Variants in WDFY2 observed in about 807,000 individuals in gnomAD.
WDFY2 encodes WD repeat and FYVE domain-containing protein 2.
A neutral mutation model predicts 56.4 loss-of-function variants in WDFY2; 36 were observed. The ratio of observed to expected loss-of-function variants is 0.64; its 90% CI spans 0.49 to 0.84. The LOEUF is 0.84. Ranked by LOEUF, WDFY2 falls within the 40% of genes least tolerant of loss-of-function variation. The pLI is 0.00. For synonymous variants in WDFY2, 176 were observed against 183.7 expected (o/e 0.96, Z 0.34); for missense variants, 444 against 512.2 (o/e 0.87, Z 1.29).
At chr13:51,676,136 G>T (rs561503765) in intron 3 of WDFY2, among the ~76,000 whole-genome samples, 1 of 152,236 alleles carries the variant, frequency 6.6e-6, no homozygotes, top group Admixed American at 6.5e-5. Flanking sequence ...CAAGACCCTG[G>T]AATTTCCTGC....
chr13:51,630,386 C>T (rs1372489038), intron 1 of WDFY2, among the ~76,000 whole-genome samples: 1 of 151,516 alleles, frequency 6.6e-6, no homozygotes, highest in East Asian at 1.9e-4. Context: ...ATTTTCCTGT[C>T]AGCTCATCAT....
intron 2 of WDFY2, among the ~76,000 whole-genome samples, chr13:51,666,041 G>C (rs1192751736): frequency 6.6e-6 from 1 of 152,130 alleles, no homozygotes; most frequent in Non-Finnish European, 1.5e-5. Context: ...CACAAGTATG[G>C]ATACCTACCA....
At chr13:51,644,614 T>C (rs1955232391) in intron 1 of WDFY2, among the ~76,000 whole-genome samples, 1 of 152,112 alleles carries the variant, frequency 6.6e-6, no homozygotes, top group Non-Finnish European at 1.5e-5. Flanking sequence ...GCGGTGAGTG[T>C]TTTGAAAGCA....
chr13:51,664,994 G>A (rs1593957836), intron 2 of WDFY2, among the ~76,000 whole-genome samples: 1 of 152,190 alleles, frequency 6.6e-6, no homozygotes, highest in Admixed American at 6.5e-5. Context: ...TCCTGTCTTT[G>A]CAGTGTTTAC....
chr13:51,697,419 G>A (rs773178425), intron 3 of WDFY2, among the ~76,000 whole-genome samples: 3 of 152,118 alleles, frequency 2.0e-5, no homozygotes, highest in Non-Finnish European at 4.4e-5. Context: ...GATTGCTGGA[G>A]CTCAGGAGTT....
At chr13:51,730,395 A>T (rs1223290451) in intron 6 of WDFY2, among the ~76,000 whole-genome samples, 1 of 152,208 alleles carries the variant, frequency 6.6e-6, no homozygotes, top group Admixed American at 6.5e-5. Flanking sequence ...TTCTTCTATG[A>T]CGCTGCTGGC....
At chr13:51,631,285 A>C (rs1044912950) in intron 1 of WDFY2, among the ~76,000 whole-genome samples, 2 of 151,290 alleles carry the variant, frequency 1.3e-5, no homozygotes, top group African/African-American at 4.8e-5. Flanking sequence ...CAGCTACTTG[A>C]GAGACTGAGG....
chr13:51,766,472 G>C lies in WDFY2; in HGVS notation c.*6703G>C, dbSNP rs1156344420. 3 of 152,208 alleles carry C rather than the reference G, an allele frequency of 2.0e-5. No homozygotes were observed. Among genetic ancestry groups the C allele is most frequent in the South Asian group, 4.1e-4 (2 of 4,834 alleles). 9.4% of individuals were successfully genotyped at this position (152,208 alleles called of 1,614,324 possible). ...GAGATTCTTCAGGGGGTCAGGCTGA[G>C]AATGTAATAAGCCTGACATTGGAAC... On this transcript the variant is annotated 3_prime_UTR_variant, in exon 12 of 12. Transcript: ENST00000298125.
At chr13:51,690,635 G>T (rs1478400359) in intron 3 of WDFY2, among the ~76,000 whole-genome samples, 1 of 152,004 alleles carries the variant, frequency 6.6e-6, no homozygotes, top group East Asian at 1.9e-4. Context: ...TTGCTGTCGT[G>T]AATAATGCCG....
intron 3 of WDFY2, among the ~76,000 whole-genome samples, chr13:51,697,836 T>C (rs987683692): frequency 6.6e-6 from 1 of 152,188 alleles, no homozygotes; most frequent in Non-Finnish European, 1.5e-5. Flanking sequence ...CAATTGTATG[T>C]GTTTCTGTGT....
At position 51,744,843 on chromosome 13, in the gene WDFY2, C is replaced by T. The variant is rs1325945261; in HGVS notation, c.725+5668C>T. 2.6e-5 allele frequency among the ~76,000 whole-genome samples: 4 copies of T among 152,140 alleles called. No homozygotes were observed. The East Asian group carries it at 7.7e-4, about 29-fold the overall frequency. On this transcript the variant is annotated intron_variant, in intron 7 of 11. Transcript: ENST00000298125. ...AGGTATCTGTTCATTCTTCGTAACC[C>T]CTAACGTGTAAACCTGGGATGTTCC...
intron 7 of WDFY2, among the ~76,000 whole-genome samples, chr13:51,750,783 T>C (rs1273890972): frequency 6.6e-6 from 1 of 152,164 alleles, no homozygotes; most frequent in Non-Finnish European, 1.5e-5. Flanking sequence ...GTTACTGCTA[T>C]GGATTCACTC....
chr13:51,618,661 T>A (rs1388141543), intron 1 of WDFY2, among the ~76,000 whole-genome samples: 6 of 152,240 alleles, frequency 3.9e-5, no homozygotes, highest in African/African-American at 1.4e-4. Context: ...TGAGCCTACC[T>A]CTTCCTGTCA....
At chr13:51,759,101 A>C (rs1953495191) in intron 11 of WDFY2, among the ~76,000 whole-genome samples, 1 of 152,184 alleles carries the variant, frequency 6.6e-6, no homozygotes, top group South Asian at 2.1e-4. Context: ...GAATTACTTG[A>C]GCCCAGTAAG....
At chr13:51,747,022 A>T (rs1279037344) in intron 7 of WDFY2, among the ~76,000 whole-genome samples, 1 of 152,274 alleles carries the variant, frequency 6.6e-6, no homozygotes, top group Non-Finnish European at 1.5e-5. Context: ...ATGTCAGCTC[A>T]GCGGCCTGTG....
chr13:51,610,858 C>T (rs905255338), intron 1 of WDFY2, among the ~76,000 whole-genome samples: 1 of 152,194 alleles, frequency 6.6e-6, no homozygotes, highest in East Asian at 1.9e-4. Context: ...GGTGGCCTTC[C>T]TCTTTGGCAT....
chr13:51,630,767 CTT>C (rs892945137), intron 1 of WDFY2, among the ~76,000 whole-genome samples: 3 of 135,926 alleles, frequency 2.2e-5, no homozygotes, highest in Admixed American at 7.3e-5. Context: ...TCAAGTTTTT[CTT>C]TTTTTTTTTT....
At chr13:51,744,001 C>A (rs570218825) in intron 7 of WDFY2, among the ~76,000 whole-genome samples, 4 of 152,342 alleles carry the variant, frequency 2.6e-5, no homozygotes, top group South Asian at 4.1e-4. Flanking sequence ...CCAGTGCCCC[C>A]AGACGGGGGT....
At chr13:51,733,279 C>T (rs541033005) in intron 6 of WDFY2, among the ~76,000 whole-genome samples, 4 of 152,264 alleles carry the variant, frequency 2.6e-5, no homozygotes, top group East Asian at 1.9e-4. Context: ...TCAGGTGATC[C>T]GCCCACTTCA....
Sources: allele counts gnomAD v4.1 joint callset (sites outside exome capture counted in the v4.1 genomes callset), GRCh38; gene constraint gnomAD v4.1.1; transcripts MANE v1.5; gene names NCBI Gene and HGNC (gene_info 2026-07-23, HGNC 2026-07-21).